GLDC: variants seen among roughly 807,000 people sequenced by gnomAD.
GLDC encodes glycine dehydrogenase (decarboxylating), mitochondrial.
A neutral mutation model predicts 121.3 loss-of-function variants in GLDC; 104 were observed. The observed-to-expected ratio is 0.86, with a 90% CI of 0.73 to 1.01. The LOEUF (loss-of-function observed/expected upper bound fraction) is 1.01. Ranked by LOEUF, GLDC falls within the 50% of genes least tolerant of loss-of-function variation. The pLI is 0.00. For synonymous variants in GLDC, 546 were observed against 480.6 expected, an observed-to-expected ratio of 1.14 and a Z score of -1.78; for missense variants, 1,429 against 1,306.6, an observed-to-expected ratio of 1.09 and a Z score of -1.44.
intron 20 of GLDC, among the ~76,000 whole-genome samples, chr9:6,552,740 C>G (rs1817540743): frequency 6.6e-6 from 1 of 151,996 alleles, no homozygotes; most frequent in African/African-American, 2.4e-5. Context: ...AGGAGGTGGG[C>G]AGGGCAGTGT....
chr9:6,583,082 G>A lies in GLDC; in HGVS notation c.1850+4059C>T, dbSNP rs142532476. ...AAAATAACAAATGTTGGTGGGGGAC[G>A]TGGAGAAATCAGAACCCTTGTGCAC... On this transcript the variant is annotated intron_variant, in intron 15 of 24. Coordinates refer to ENST00000321612, the MANE Select transcript of GLDC (RefSeq NM_000170.3). Among the ~76,000 whole-genome samples the A allele has an allele frequency of 1.4e-4, 22 of 152,290 alleles. No individual in the cohort carries two copies. The East Asian group carries it at 3.1e-3, about 21-fold the overall frequency.
intron 3 of GLDC, among the ~76,000 whole-genome samples, chr9:6,611,436 G>GAA (rs1818852579): frequency 6.6e-6 from 1 of 152,066 alleles, no homozygotes; most frequent in Admixed American, 6.6e-5. Flanking sequence ...CGTGCCTGTA[G>GAA]TCCCAGCTAC....
chr9:6,562,596 G>C (rs951243892), intron 16 of GLDC, among the ~76,000 whole-genome samples: 1 of 152,172 alleles, frequency 6.6e-6, no homozygotes, highest in Admixed American at 6.5e-5. Context: ...GTCTTGCTCT[G>C]TTGCCCAGGC....
chr9:6,559,009 T>C (rs1465565173), intron 16 of GLDC, among the ~76,000 whole-genome samples: 3 of 152,116 alleles, frequency 2.0e-5, no homozygotes, highest in African/African-American at 4.8e-5. Context: ...GAAAGCACCT[T>C]AGAAGAACAT....
intron 16 of GLDC, among the ~76,000 whole-genome samples, chr9:6,563,812 G>C (rs7853386): frequency 0.3 from 46,233 of 151,930 alleles, 7,767 homozygotes; most frequent in Middle Eastern, 0.38. Flanking sequence ...TTCAATTCAC[G>C]AATGGCCTGT....
intron 15 of GLDC, among the ~76,000 whole-genome samples, chr9:6,573,454 C>G (rs1343353246): frequency 6.6e-6 from 1 of 151,224 alleles, no homozygotes; most frequent in Non-Finnish European, 1.5e-5. Context: ...GAGCAAGACT[C>G]TATCTTAAAA....
chr9:6,564,247 C>CAA (rs755108263), intron 16 of GLDC, among the ~76,000 whole-genome samples: 9 of 115,160 alleles, frequency 7.8e-5, no homozygotes, highest in African/African-American at 1.3e-4. Context: ...GACTCCATCT[C>CAA]AAAAAAAAAA....
At chr9:6,595,162 A>G (rs1563852568) in intron 8 of GLDC, 43 bp from the exon 9 acceptor site, 3 of 1,240,568 alleles carry the variant, frequency 2.4e-6, no homozygotes, top group South Asian at 2.4e-5. Flanking sequence ...ATGGAGGACA[A>G]TTAGTGGGAG....
intron 3 of GLDC, among the ~76,000 whole-genome samples, chr9:6,617,666 T>G (rs1004342567): frequency 2.0e-5 from 3 of 152,344 alleles, no homozygotes; most frequent in African/African-American, 7.2e-5. Flanking sequence ...CTAAGAGTTA[T>G]GTACAGGGAC....
At chr9:6,570,840 G>C (rs1336822949) in intron 15 of GLDC, among the ~76,000 whole-genome samples, 2 of 114,650 alleles carry the variant, frequency 1.7e-5, no homozygotes, top group Non-Finnish European at 3.4e-5. Context: ...CGCAACAAGA[G>C]CAAAACTCTG....
chr9:6,543,465 G>A (rs754346607), intron 21 of GLDC, among the ~76,000 whole-genome samples: 8 of 152,130 alleles, frequency 5.3e-5, no homozygotes, highest in Admixed American at 1.3e-4. Flanking sequence ...GAAAGGCACC[G>A]TCAAGCCAAG....
rs557930890 is a variant in GLDC at position 6,614,023 on chromosome 9, C to G, written c.471-3667G>C. Among the ~76,000 whole-genome samples the G allele has an allele frequency of 3.8e-3, 582 of 151,598 alleles. 7 individuals carry two copies. The highest frequency in any genetic ancestry group is 0.013 in the African/African-American group (543 of 41,350). On this transcript the variant is annotated intron_variant, in intron 3 of 24. Coordinates refer to ENST00000321612, the MANE Select transcript of GLDC (RefSeq NM_000170.3). ...AACTCCTGACCTCAGGTGATCTGCC[C>G]ACCCTGGCCTCCCAAAGTGCTGGGA...
chr9:6,546,029 G>A (rs1391597710), intron 21 of GLDC, among the ~76,000 whole-genome samples: 1 of 152,136 alleles, frequency 6.6e-6, no homozygotes, highest in Non-Finnish European at 1.5e-5. Flanking sequence ...ACATTGTACA[G>A]CTGTACAAAA....
At chr9:6,564,322 C>G (rs1489059673) in intron 16 of GLDC, among the ~76,000 whole-genome samples, 1 of 151,942 alleles carries the variant, frequency 6.6e-6, no homozygotes, top group Non-Finnish European at 1.5e-5. Context: ...TCAGGATGAA[C>G]TATGCAAGGG....
In GLDC at chr9:6,645,359, A is replaced by T. The variant is rs1819722643; in HGVS notation, c.141T>A (p.Ala47=). The change falls in exon 1 of 25, where the codon GCT becomes GCA. Residue 47 remains alanine (A), a synonymous_variant. Transcript: ENST00000321612. ...GGCGCTCCAGGAGGCGCGAGGCCCC[A>T]GCCGCGGCGCTGTCCCCGCCGCCAC... is the stretch of plus-strand genomic sequence containing the variant. ...SSSGGGDSAA[A]GASRLLERLL... 5.8e-6 allele frequency: 9 copies of T among 1,543,646 alleles called. No individual in the cohort carries two copies. The highest frequency in any genetic ancestry group is 7.0e-6 in the Non-Finnish European group (8 of 1,146,820).
Position 6,610,284 on chromosome 9 carries a change from G to A in GLDC, c.543C>T (p.Thr181=). The A allele has an allele frequency of 1.2e-6, 2 of 1,613,738 alleles. No homozygotes were observed. Among genetic ancestry groups the A allele is most frequent in the South Asian group, 1.1e-5 (1 of 91,046 alleles). ...CCAGGCCTGTGATGTCACACACCAT[G>A]GTCTGGTAGTTGAGTAAACTCTCCA... is the stretch of plus-strand genomic sequence containing the variant. ...GRLESLLNYQ[T]MVCDITGLDM... is the part of the protein sequence containing the mutation. The change falls in exon 4 of 25, where the codon ACC becomes ACT. Residue 181 remains threonine, a synonymous_variant. Coordinates refer to ENST00000321612, the MANE Select transcript of GLDC (RefSeq NM_000170.3).
intron 2 of GLDC, among the ~76,000 whole-genome samples, chr9:6,629,954 TATA>T (rs2129981081): frequency 8.0e-5 from 7 of 87,112 alleles, no homozygotes; most frequent in East Asian, 3.8e-4. Context: ...TGTATATATA[TATA>T]TTTTTTTTTT....
rs386833581 is a variant in GLDC, at chr9:6,610,314, C to G, written c.513G>C (p.Gly171=). The stretch of plus-strand genomic sequence containing the variant: ...GGTAGTTGAGTAAACTCTCCAGCCT[C>G]CCCTGAGACACCTCAGGCTGGTATG... ...YTPYQPEVSQ[G]RLESLLNYQT... is the part of the protein sequence containing the mutation. The change falls in exon 4 of 25, where the codon GGG becomes GGC. Residue 171 remains glycine (G), a synonymous_variant. Coordinates refer to ENST00000321612, the MANE Select transcript of GLDC (RefSeq NM_000170.3). 5 of 1,613,776 alleles carry G rather than the reference C, an allele frequency of 3.1e-6. No individual in the cohort carries two copies. The highest frequency in any genetic ancestry group is 4.2e-6 in the Non-Finnish European group (5 of 1,179,686).
rs1056597587 is a variant in GLDC at position 6,643,409 on chromosome 9, T to C, written c.334+1205A>G. 4.0e-5 allele frequency among the ~76,000 whole-genome samples: 6 copies of C among 149,594 alleles called. No individual in the cohort carries two copies. In the East Asian group the frequency reaches 9.7e-4, roughly 24 times the overall value. ...GTCCACCTTCAAACAAAATAAAGCT[T>C]GCCATCTGCACACTAGATCCTTTCT... On this transcript the variant is annotated intron_variant, in intron 2 of 24. Transcript: ENST00000321612.
Sources: allele counts gnomAD v4.1 joint callset (sites outside exome capture counted in the v4.1 genomes callset), GRCh38; gene constraint gnomAD v4.1.1; transcripts MANE v1.5; gene names NCBI Gene and HGNC (gene_info 2026-07-23, HGNC 2026-07-21).